SOX5: variants seen among roughly 807,000 people sequenced by gnomAD.
SOX5 encodes transcription factor SOX-5.
SOX5 carries 9 observed loss-of-function variants against 92.0 expected under a neutral mutation model. The observed-to-expected ratio is 0.10, with a 90% CI of 0.06 to 0.17. The LOEUF (loss-of-function observed/expected upper bound fraction) is 0.17. Ranked by LOEUF, SOX5 falls within the 10% of genes least tolerant of loss-of-function variation. SOX5 has a pLI of 1.00. For synonymous variants in SOX5, 344 were observed against 336.3 expected, an observed-to-expected ratio of 1.02 and a Z score of -0.25; for missense variants, 642 against 944.5, an observed-to-expected ratio of 0.68 and a Z score of 4.20.
intron 3 of SOX5, among the ~76,000 whole-genome samples, chr12:24,214,575 A>G (rs1248610022): frequency 6.6e-6 from 1 of 152,120 alleles, no homozygotes; most frequent in Non-Finnish European, 1.5e-5. Context: ...GCATTTATTA[A>G]TTATATGTGG....
Position 24,491,617 on chromosome 12 carries a change from G to A in SOX5, c.-251+70712C>T, listed in dbSNP as rs564844593. On this transcript the variant is annotated intron_variant, in intron 1 of 4. Coordinates refer to the SOX5 transcript ENST00000446891. Reference sequence around the variant, plus strand: ...AAAGCATATTAAATGGACCAATACAGCAAACCATAAACAAGAACAAGGAGA... The same window carrying A: ...AAAGCATATTAAATGGACCAATACAACAAACCATAAACAAGAACAAGGAGA... Among the ~76,000 whole-genome samples, 4 of 152,186 alleles carry A rather than the reference G, an allele frequency of 2.6e-5. No homozygotes were observed. The South Asian group carries it at 8.3e-4, about 32-fold the overall frequency.
intron 8 of SOX5, among the ~76,000 whole-genome samples, chr12:23,630,550 T>G (rs1051708677): frequency 3.2e-4 from 48 of 152,024 alleles, no homozygotes; most frequent in African/African-American, 1.1e-3. Context: ...TAACAAATAG[T>G]TCTCAAATCT....
At chr12:23,928,227 T>C (rs1940506913) in intron 1 of SOX5, among the ~76,000 whole-genome samples, 1 of 152,084 alleles carries the variant, frequency 6.6e-6, no homozygotes, top group Non-Finnish European at 1.5e-5. Flanking sequence ...GGACCTACAG[T>C]AAATCCAAAC....
Position 24,554,853 on chromosome 12 carries a change from C to A in SOX5, c.-251+7476G>T, listed in dbSNP as rs1953611089. Among the ~76,000 whole-genome samples, 3 of 152,236 alleles carry A rather than the reference C, an allele frequency of 2.0e-5. No homozygotes were observed. The South Asian group carries it at 6.2e-4, about 32-fold the overall frequency. On this transcript the variant is annotated intron_variant, in intron 1 of 4. Transcript: ENST00000446891. ...CCAAAAAAATAGCAACAACTCAATT[C>A]TCAGTCCAATAACGTCTTTTCTCAG...
chr12:23,971,410 C>A (rs1359433122), intron 4 of SOX5, among the ~76,000 whole-genome samples: 1 of 151,704 alleles, frequency 6.6e-6, no homozygotes, highest in Non-Finnish European at 1.5e-5. Context: ...GTGTGAGCCA[C>A]CGCGCCTGGC....
chr12:24,017,361 G>T (rs1055187261), intron 4 of SOX5, among the ~76,000 whole-genome samples: 1 of 152,118 alleles, frequency 6.6e-6, no homozygotes, highest in Non-Finnish European at 1.5e-5. Flanking sequence ...CACTTTGGGA[G>T]GCTGAAGTAG....
intron 4 of SOX5, among the ~76,000 whole-genome samples, chr12:24,124,821 A>C (rs1948956231): frequency 6.6e-6 from 1 of 152,212 alleles, no homozygotes; most frequent in Non-Finnish European, 1.5e-5. Context: ...TTCAGCATAT[A>C]AGAAATGAAG....
At chr12:24,174,921 A>G (rs1008277245) in intron 4 of SOX5, among the ~76,000 whole-genome samples, 6 of 152,194 alleles carry the variant, frequency 3.9e-5, no homozygotes, top group African/African-American at 1.4e-4. Context: ...AAGTGCAGAA[A>G]CAGGAAGGGG....
intron 4 of SOX5, among the ~76,000 whole-genome samples, chr12:24,070,230 C>T (rs1183549421): frequency 6.6e-6 from 1 of 152,204 alleles, no homozygotes; most frequent in East Asian, 1.9e-4. Flanking sequence ...CTCCCTCCCC[C>T]TCCATTTCCA....
chr12:24,106,566 G>A (rs546028322), intron 4 of SOX5, among the ~76,000 whole-genome samples: 6 of 152,034 alleles, frequency 3.9e-5, no homozygotes, highest in Admixed American at 2.0e-4. Flanking sequence ...CGACGCAGGC[G>A]GATCACCTGA....
At chr12:24,363,038 A>G (rs1955767429) in intron 2 of SOX5, among the ~76,000 whole-genome samples, 1 of 152,066 alleles carries the variant, frequency 6.6e-6, no homozygotes, top group Admixed American at 6.6e-5. Flanking sequence ...CACACTATAT[A>G]AAAATATATG....
intron 6 of SOX5, among the ~76,000 whole-genome samples, chr12:23,687,466 C>T (rs1464061757): frequency 6.6e-6 from 1 of 151,962 alleles, no homozygotes; most frequent in Non-Finnish European, 1.5e-5. Flanking sequence ...TAAGCTGATC[C>T]TAAAAGAAAA....
At chr12:24,012,896 T>C (rs1406636881) in intron 4 of SOX5, among the ~76,000 whole-genome samples, 1 of 152,182 alleles carries the variant, frequency 6.6e-6, no homozygotes, top group Non-Finnish European at 1.5e-5. Context: ...AGAAGCACCC[T>C]AAATCTATTC....
chr12:23,784,077 C>T (rs2095333388), intron 3 of SOX5, among the ~76,000 whole-genome samples: 1 of 151,848 alleles, frequency 6.6e-6, no homozygotes, highest in Non-Finnish European at 1.5e-5. Context: ...AATAAGCTAA[C>T]AAATTGAGTA....
At chr12:24,380,015 G>A (rs1436615887) in intron 1 of SOX5, among the ~76,000 whole-genome samples, 1 of 152,070 alleles carries the variant, frequency 6.6e-6, no homozygotes, top group Non-Finnish European at 1.5e-5. Flanking sequence ...GCATCCAAGT[G>A]AAAAGAATAT....
intron 3 of SOX5, among the ~76,000 whole-genome samples, chr12:23,836,008 A>C (rs1451274777): frequency 6.6e-6 from 1 of 151,846 alleles, no homozygotes; most frequent in Non-Finnish European, 1.5e-5. Flanking sequence ...GAAGCATTTT[A>C]TATAAATTAT....
intron 3 of SOX5, among the ~76,000 whole-genome samples, chr12:23,815,370 G>C (rs1385501680): frequency 1.3e-5 from 2 of 152,068 alleles, no homozygotes; most frequent in Non-Finnish European, 2.9e-5. Context: ...CTTACAACAC[G>C]AGATCTTCTA....
At chr12:23,992,449 T>A (rs972078994) in intron 4 of SOX5, among the ~76,000 whole-genome samples, 1 of 152,130 alleles carries the variant, frequency 6.6e-6, no homozygotes, top group Non-Finnish European at 1.5e-5. Context: ...TCATACATAA[T>A]TTGCAAAGTA....
intron 9 of SOX5, among the ~76,000 whole-genome samples, chr12:23,579,057 G>A (rs1356234692): frequency 6.6e-6 from 1 of 152,182 alleles, no homozygotes; most frequent in East Asian, 1.9e-4. Flanking sequence ...TGAGTGTATA[G>A]TGAGGGGGGA....
Sources: allele counts gnomAD v4.1 joint callset (sites outside exome capture counted in the v4.1 genomes callset), GRCh38; gene constraint gnomAD v4.1.1; transcripts MANE v1.5; gene names NCBI Gene and HGNC (gene_info 2026-07-23, HGNC 2026-07-21).